The following TNPO1 variants were observed in gnomAD, a reference collection of about 807,000 sequenced individuals.
TNPO1 encodes the protein transportin-1.
A neutral mutation model predicts 119.5 loss-of-function variants in TNPO1; 8 were observed. The observed-to-expected ratio is 0.07, with a 90% CI of 0.04 to 0.12. The LOEUF (loss-of-function observed/expected upper bound fraction) is 0.12. Among genes scored for constraint, TNPO1 ranks in the 10% least tolerant of loss-of-function variants. The pLI is 1.00. For missense variants in TNPO1, 576 were observed against 1,089.8 expected, an observed-to-expected ratio of 0.53 and a Z score of 6.64; for synonymous variants, 362 against 363.0, an observed-to-expected ratio of 1.00 and a Z score of 0.03.
In TNPO1 at chr5:72,903,689, G is replaced by A. The variant is rs1749946329; in HGVS notation, c.2515-20G>A. ...GACAAATACAATATCAACCTAAGAT[G>A]TATTTCTTGCTTGTTACAGGATTTT... On this transcript the variant is annotated intron_variant, in intron 22 of 24. Coordinates refer to ENST00000337273, the MANE Select transcript of TNPO1 (RefSeq NM_002270.4). 6.4e-7 allele frequency: 1 copy of A among 1,556,638 alleles called. No individual in the cohort carries two copies. Among genetic ancestry groups the A allele is most frequent in the Admixed American group, 1.7e-5 (1 of 57,486 alleles).
rs200118076 is a variant in TNPO1 at position 72,870,158 on chromosome 5, C to CTTTTTT, written c.597-2467_597-2462dup. On this transcript the variant is annotated intron_variant, in intron 6 of 24. Coordinates refer to ENST00000337273, the MANE Select transcript of TNPO1 (RefSeq NM_002270.4). ...ATAGTCATTTTCACAATACTAATTG[C>CTTTTTT]TTTTTTTTTTTTTTTTTTTGAGACG... Among the ~76,000 whole-genome samples, 56 of 106,148 alleles carry CTTTTTT rather than the reference C, an allele frequency of 5.3e-4. 1 individual carries two copies. Among genetic ancestry groups the CTTTTTT allele is most frequent in the Non-Finnish European group, 7.0e-4 (39 of 56,096 alleles). The allele number at this position is 106,148 out of a possible 152,430, so 69.6% of individuals were successfully genotyped here. A position where few individuals can be genotyped will look rare whatever the true frequency, so the allele number is the denominator to read the frequency against.
intron 4 of TNPO1, among the ~76,000 whole-genome samples, chr5:72,861,283 G>A (rs184013113): frequency 1.1e-4 from 17 of 152,096 alleles, no homozygotes; most frequent in Admixed American, 8.5e-4. Context: ...TCTTATACTT[G>A]GTAAATTTAA....
At position 72,880,251 on chromosome 5, in the gene TNPO1, C is replaced by G. The variant is rs370916698; in HGVS notation, c.921-2216C>G. On this transcript the variant is annotated intron_variant, in intron 9 of 24. Transcript: ENST00000337273. ...TATTAAGTTCTATTATCATTCTGGG[C>G]TATATAGTCTCCCTTTTTTTATTTT... Among the ~76,000 whole-genome samples, 444 of 152,134 alleles carry G rather than the reference C, an allele frequency of 2.9e-3. 3 individuals are homozygous for G. The highest frequency in any genetic ancestry group is 0.016 in the South Asian group (78 of 4,818).
At chr5:72,826,356 G>T (rs1298272135) in intron 1 of TNPO1, among the ~76,000 whole-genome samples, 2 of 152,134 alleles carry the variant, frequency 1.3e-5, no homozygotes, top group Middle Eastern at 3.4e-3. Flanking sequence ...ATTTTTAAAC[G>T]GTTATGAAAC....
rs1467416015 is a variant in TNPO1 at position 72,912,038 on chromosome 5, A to G, written c.*3365A>G. 2.0e-5 allele frequency: 3 copies of G among 152,450 alleles called. No homozygotes were observed. Among genetic ancestry groups the G allele is most frequent in the Admixed American group, 6.6e-5 (1 of 15,264 alleles). 9.4% of individuals were successfully genotyped at this position (152,450 alleles called of 1,614,324 possible). A position where few individuals can be genotyped will look rare whatever the true frequency, so the allele number is the denominator to read the frequency against. ...TTCAGGAAAGAATTTTGCTTTTTGT[A>G]TTGTCTAATCTCTTCAATGACTTCA... On this transcript the variant is annotated 3_prime_UTR_variant, in exon 25 of 25. Coordinates refer to ENST00000337273, the MANE Select transcript of TNPO1 (RefSeq NM_002270.4).
At chr5:72,825,112 C>T (rs1744146066) in intron 1 of TNPO1, among the ~76,000 whole-genome samples, 1 of 152,226 alleles carries the variant, frequency 6.6e-6, no homozygotes, top group African/African-American at 2.4e-5. Flanking sequence ...GCTTCCTCCA[C>T]TGCCACCACC....
intron 8 of TNPO1, 110 bp downstream of exon 8, chr5:72,875,847 T>A (rs568653893): frequency 7.8e-7 from 1 of 1,276,172 alleles, no homozygotes; most frequent in African/African-American, 1.5e-5. Context: ...GTTATAATTG[T>A]CTTAAAATTA....
chr5:72,851,255 A>T lies in TNPO1; in HGVS notation c.141A>T (p.Gln47His). The change falls in exon 3 of 25, where the codon CAA becomes CAT. Residue 47 changes from glutamine (Q) to histidine (H), a missense_variant. Transcript: ENST00000337273. ...IQRTVQQKLE[Q>H]LNQYPDFNNY... ...ACTGTTTGTTCTAGAAACTGGAACA[A>T]CTTAATCAGTATCCAGACTTTAACA... 6.3e-7 allele frequency: 1 copy of T among 1,597,132 alleles called. No homozygotes were observed. Among genetic ancestry groups the T allele is most frequent in the Non-Finnish European group, 8.6e-7 (1 of 1,168,458 alleles).
rs375843339 is a variant in TNPO1, at chr5:72,816,700, C to T, written c.-38C>T. Reference sequence around the variant, plus strand: ...TCAGGCCCCGGACAGGAGGCAGTGCCGCTTCGGCCGAAGGCCCGAGCGCCC... The same window carrying T: ...TCAGGCCCCGGACAGGAGGCAGTGCTGCTTCGGCCGAAGGCCCGAGCGCCC... On this transcript the variant is annotated 5_prime_UTR_variant, in exon 1 of 25. Coordinates refer to ENST00000337273, the MANE Select transcript of TNPO1 (RefSeq NM_002270.4). 21 of 1,556,446 alleles carry T rather than the reference C, an allele frequency of 1.3e-5. No homozygotes were observed. The highest frequency in any genetic ancestry group is 1.3e-4 in the Admixed American group (7 of 52,398).
intron 6 of TNPO1, among the ~76,000 whole-genome samples, chr5:72,870,500 T>C (rs1231043988): frequency 1.3e-5 from 2 of 152,270 alleles, no homozygotes; most frequent in East Asian, 1.9e-4. Flanking sequence ...CTTTTCTTTT[T>C]AGAGGCCTTG....
At chr5:72,868,863 C>G (rs1380034423) in intron 6 of TNPO1, among the ~76,000 whole-genome samples, 1 of 151,982 alleles carries the variant, frequency 6.6e-6, no homozygotes, top group Non-Finnish European at 1.5e-5. Context: ...AAAAAATTAG[C>G]TGGACGTGGT....
chr5:72,851,178 A>T (rs1434676082), intron 2 of TNPO1, 66 bp from the exon 3 acceptor site: 1 of 1,006,502 alleles, frequency 9.9e-7, no homozygotes, highest in African/African-American at 1.6e-5. Context: ...TGATTTTTAG[A>T]TTTAAAATGC....
intron 20 of TNPO1, among the ~76,000 whole-genome samples, chr5:72,899,482 A>C (rs1470138901): frequency 6.6e-6 from 1 of 152,206 alleles, no homozygotes; most frequent in Non-Finnish European, 1.5e-5. Context: ...ACTACCAAAA[A>C]TTTGGTTTAA....
At chr5:72,852,260 G>T (rs1448938079) in intron 3 of TNPO1, among the ~76,000 whole-genome samples, 11 of 152,028 alleles carry the variant, frequency 7.2e-5, no homozygotes, top group Admixed American at 7.2e-4. Context: ...TAAATAACAT[G>T]GTCATTTGAT....
chr5:72,905,606 T>C, intron 24 of TNPO1, 161 bp downstream of exon 24: 1 of 381,140 alleles, frequency 2.6e-6, no homozygotes, highest in Non-Finnish European at 4.7e-6. Flanking sequence ...TTAAAATTAC[T>C]TAAGTGGGCC....
intron 18 of TNPO1, among the ~76,000 whole-genome samples, chr5:72,896,117 T>A (rs935824692): frequency 6.6e-6 from 1 of 152,106 alleles, no homozygotes; most frequent in African/African-American, 2.4e-5. Context: ...TTTTTTTTTT[T>A]AGTCTAATTA....
chr5:72,846,810 C>G (rs1194884204), intron 1 of TNPO1, among the ~76,000 whole-genome samples: 4 of 152,000 alleles, frequency 2.6e-5, no homozygotes, highest in African/African-American at 9.7e-5. Flanking sequence ...AATGTTGTGT[C>G]TATATTGTAT....
chr5:72,861,846 C>A lies in TNPO1; in HGVS notation c.394C>A (p.Gln132Lys). Residue 132 changes from glutamine (Q) to lysine (K), a missense_variant, in exon 5 of 25, where the codon CAG (glutamine) becomes AAG (lysine). Gln to Lys is a moderately conservative substitution (Grantham distance 53). Transcript: ENST00000337273. ...ITTIASKGEL[Q>K]NWPDLLPKLC... The stretch of plus-strand genomic sequence containing the variant: ...AACTATAGCCTCCAAGGGAGAATTG[C>A]AGAATTGGCCTGACCTCTTACCAAA... The A allele has an allele frequency of 6.2e-7, 1 of 1,613,886 alleles. No individual in the cohort carries two copies. The highest frequency in any genetic ancestry group is 8.5e-7 in the Non-Finnish European group (1 of 1,179,816).
intron 5 of TNPO1, 32 bp from the exon 6 acceptor site, chr5:72,865,564 A>G: frequency 6.2e-7 from 1 of 1,606,430 alleles, no homozygotes; most frequent in East Asian, 2.2e-5. Flanking sequence ...CATTTTTAAC[A>G]AATTCTGATA....
Sources: allele counts gnomAD v4.1 joint callset (sites outside exome capture counted in the v4.1 genomes callset), GRCh38; gene constraint gnomAD v4.1.1; transcripts MANE v1.5; gene names NCBI Gene and HGNC (gene_info 2026-07-23, HGNC 2026-07-21).